EBF1: variants seen among roughly 807,000 people sequenced by gnomAD.
The protein encoded by EBF1 is transcription factor COE1.
A neutral mutation model predicts 68.4 loss-of-function variants in EBF1; 10 were observed. The observed-to-expected ratio is 0.15, with a 90% CI of 0.09 to 0.25. EBF1 has a LOEUF of 0.25. Among genes scored for constraint, EBF1 ranks in the 10% least tolerant of loss-of-function variants. The probability of loss-of-function intolerance (pLI) is 1.00; values close to 1 mark genes in which losing one functional copy is unlikely to be tolerated. For synonymous variants in EBF1, 298 were observed against 299.8 expected, an observed-to-expected ratio of 0.99 and a Z score of 0.06; for missense variants, 509 against 794.4, an observed-to-expected ratio of 0.64 and a Z score of 4.32.
intron 6 of EBF1, among the ~76,000 whole-genome samples, chr5:158,854,558 C>A (rs1793599817): frequency 1.3e-5 from 2 of 152,192 alleles, no homozygotes. Context: ...CCTCCAATAC[C>A]CACCTGTTCA....
intron 6 of EBF1, among the ~76,000 whole-genome samples, chr5:158,852,086 G>GGGAGGGGAA (rs1793047607): frequency 7.9e-6 from 1 of 127,314 alleles, no homozygotes; most frequent in Non-Finnish European, 1.7e-5. Context: ...AGGGAGGGGA[G>GGGAGGGGAA]GGAAGGGGTT....
intron 10 of EBF1, among the ~76,000 whole-genome samples, chr5:158,740,479 C>T (rs1412698345): frequency 6.6e-6 from 1 of 152,146 alleles, no homozygotes; most frequent in African/African-American, 2.4e-5. Flanking sequence ...AAGGAAAAAA[C>T]AAATCCCAAG....
At chr5:158,819,268 G>A (rs1013565689) in intron 8 of EBF1, among the ~76,000 whole-genome samples, 2 of 152,188 alleles carry the variant, frequency 1.3e-5, no homozygotes, top group African/African-American at 2.4e-5. Flanking sequence ...CACCATAGCT[G>A]CAAGCGCTAA....
intron 6 of EBF1, among the ~76,000 whole-genome samples, chr5:158,951,976 GA>G (rs1174078965): frequency 6.6e-6 from 1 of 152,178 alleles, no homozygotes; most frequent in Non-Finnish European, 1.5e-5. Flanking sequence ...TTTATTAGCA[GA>G]AACAAATGAA....
At chr5:158,878,113 T>C (rs1562196341) in intron 6 of EBF1, among the ~76,000 whole-genome samples, 1 of 151,748 alleles carries the variant, frequency 6.6e-6, no homozygotes, top group Non-Finnish European at 1.5e-5. Context: ...AACTAATTGA[T>C]TATGCAAATG....
At chr5:159,058,717 A>G (rs1291533823) in intron 6 of EBF1, among the ~76,000 whole-genome samples, 2 of 152,206 alleles carry the variant, frequency 1.3e-5, no homozygotes, top group African/African-American at 4.8e-5. Flanking sequence ...GGATCTGTAG[A>G]GTTTGGGCTA....
chr5:158,782,667 TAATAA>T (rs1004309038), intron 9 of EBF1, among the ~76,000 whole-genome samples: 7 of 151,652 alleles, frequency 4.6e-5, no homozygotes, highest in East Asian at 3.9e-4. Context: ...TCAGAAAAAA[TAATAA>T]AATAAAATAA....
intron 11 of EBF1, among the ~76,000 whole-genome samples, chr5:158,730,010 AG>A (rs1414930058): frequency 6.6e-6 from 1 of 152,214 alleles, no homozygotes; most frequent in African/African-American, 2.4e-5. Flanking sequence ...TACTCCAAGG[AG>A]GTTCACCAAG....
intron 11 of EBF1, 27 bp from the exon 12 acceptor site, chr5:158,714,209 CTT>C (rs760087607): frequency 7.4e-6 from 12 of 1,613,396 alleles, no homozygotes; most frequent in South Asian, 1.1e-5. Flanking sequence ...AGATACAATC[CTT>C]TGAGTGAAGG....
intron 11 of EBF1, among the ~76,000 whole-genome samples, chr5:158,726,177 G>A (rs913585101): frequency 6.6e-6 from 1 of 152,138 alleles, no homozygotes; most frequent in African/African-American, 2.4e-5. Flanking sequence ...GATAAAAAAT[G>A]CTTTGAGCCA....
At chr5:158,861,604 C>A (rs1794967893) in intron 6 of EBF1, among the ~76,000 whole-genome samples, 1 of 152,182 alleles carries the variant, frequency 6.6e-6, no homozygotes, top group Admixed American at 6.5e-5. Flanking sequence ...AGAGAAATGT[C>A]CGGAATTAGC....
intron 6 of EBF1, among the ~76,000 whole-genome samples, chr5:159,050,247 C>T (rs893817607): frequency 6.7e-6 from 1 of 148,466 alleles, no homozygotes; most frequent in Non-Finnish European, 1.5e-5. Context: ...TCTCTCCTCT[C>T]CTCCCTCTCC....
intron 10 of EBF1, among the ~76,000 whole-genome samples, chr5:158,742,639 A>G (rs1279671310): frequency 6.6e-6 from 1 of 152,232 alleles, no homozygotes; most frequent in Non-Finnish European, 1.5e-5. Flanking sequence ...AGTGTGGCAA[A>G]TACAACAGCA....
At chr5:159,056,688 C>T (rs889133425) in intron 6 of EBF1, among the ~76,000 whole-genome samples, 2 of 152,166 alleles carry the variant, frequency 1.3e-5, no homozygotes, top group African/African-American at 4.8e-5. Flanking sequence ...TGCAACAATG[C>T]CTCACTTCCT....
intron 6 of EBF1, among the ~76,000 whole-genome samples, chr5:159,009,033 C>G (rs968912324): frequency 4.6e-5 from 7 of 152,124 alleles, no homozygotes; most frequent in African/African-American, 1.7e-4. Context: ...GGAAAGCTCT[C>G]CCAGCCTCAT....
intron 6 of EBF1, among the ~76,000 whole-genome samples, chr5:159,053,293 G>T (rs1774146086): frequency 6.6e-6 from 1 of 152,106 alleles, no homozygotes; most frequent in Non-Finnish European, 1.5e-5. Context: ...TTGCTGTAAG[G>T]ATTAAATGAG....
chr5:158,900,742 G>C (rs1335190039), intron 6 of EBF1, among the ~76,000 whole-genome samples: 1 of 152,212 alleles, frequency 6.6e-6, no homozygotes, highest in Non-Finnish European at 1.5e-5. Context: ...CGTTACACTA[G>C]GTACTTTACA....
chr5:159,083,527 A>G (rs1304666496), intron 5 of EBF1, among the ~76,000 whole-genome samples: 2 of 152,238 alleles, frequency 1.3e-5, no homozygotes, highest in Admixed American at 6.5e-5. Flanking sequence ...TATTTTTAAA[A>G]GGGAAAAAAT....
chr5:158,706,597 A>G (rs1241535382), intron 15 of EBF1, among the ~76,000 whole-genome samples: 1 of 152,156 alleles, frequency 6.6e-6, no homozygotes, highest in Non-Finnish European at 1.5e-5. Flanking sequence ...GTACATAAGA[A>G]ACAGGGCTGA....
Sources: gnomAD v4.1 joint callset for allele counts (sites outside exome capture counted in the v4.1 genomes callset) on GRCh38, gnomAD v4.1.1 for gene constraint, MANE v1.5 for transcripts, NCBI Gene and HGNC (gene_info 2026-07-23, HGNC 2026-07-21) for gene names.